Variants in KCNJ6 observed in about 807,000 individuals in gnomAD.
KCNJ6 encodes potassium inwardly rectifying channel subfamily J member 6, also known as G protein-activated inward rectifier potassium channel 2.
A neutral mutation model predicts 34.2 loss-of-function variants in KCNJ6; 9 were observed. The observed-to-expected ratio is 0.26, with a 90% confidence interval of 0.16 to 0.46. The LOEUF is 0.46. Ranked by LOEUF, KCNJ6 falls within the 20% of genes least tolerant of loss-of-function variation. The pLI is 1.00. For missense variants in KCNJ6, 236 were observed against 531.3 expected (o/e 0.44, Z 5.46); for synonymous variants, 196 against 207.1 (o/e 0.95, Z 0.46).
rs1412530003 is a variant in KCNJ6 at position 37,608,247 on chromosome 21, T to TA, written c.*16911dup. ...TGGTCTAGGTACCATCCCCCAATCT[T>TA]ACCTTGTGTGTTTCTGTTTTAAGAC... On this transcript the variant is annotated 3_prime_UTR_variant, in exon 4 of 4. Transcript: ENST00000609713. 6.6e-6 allele frequency: 1 copy of TA among 152,176 alleles called. No homozygotes were observed. The highest frequency in any genetic ancestry group is 1.9e-4 in the East Asian group (1 of 5,188). The allele number at this position is 152,176 out of a possible 1,614,324, so 9.4% of individuals were successfully genotyped here.
intron 1 of KCNJ6, among the ~76,000 whole-genome samples, chr21:37,880,668 A>G (rs551368181): frequency 6.6e-6 from 1 of 152,348 alleles, no homozygotes; most frequent in South Asian, 2.1e-4. Flanking sequence ...TTCAAAGGTT[A>G]ATAGATGGGC....
rs1568875152 is a variant in KCNJ6, at chr21:37,859,532, A to AT, written c.-27-18824_-27-18823insA. Among the ~76,000 whole-genome samples the AT allele has an allele frequency of 4.5e-3, 348 of 77,520 alleles. 5 individuals carry two copies. Among genetic ancestry groups the AT allele is most frequent in the African/African-American group, 0.014 (184 of 13,162 alleles). 50.9% of individuals were successfully genotyped at this position (77,520 alleles called of 152,430 possible). On this transcript the variant is annotated intron_variant, in intron 1 of 3. Transcript: ENST00000609713. The stretch of plus-strand genomic sequence containing the variant: ...ATATATATATATATATATATATATA[A>AT]AATACTTAAAAAGCTCTACAGATGA...
At chr21:37,825,107 G>A (rs953847974) in intron 2 of KCNJ6, among the ~76,000 whole-genome samples, 4 of 152,120 alleles carry the variant, frequency 2.6e-5, no homozygotes, top group African/African-American at 9.7e-5. Flanking sequence ...CCTGGATGAT[G>A]TGGGGTATTC....
intron 3 of KCNJ6, among the ~76,000 whole-genome samples, chr21:37,677,799 T>TCCATCCATCCATCCAC (rs1556017798): frequency 4.0e-4 from 49 of 122,052 alleles, no homozygotes; most frequent in African/African-American, 4.6e-4. Flanking sequence ...CACCCACCTA[T>TCCATCCATCCATCCAC]CCACCCACCC....
At chr21:37,914,008 G>GGGGGGT (rs760597650) in intron 1 of KCNJ6, among the ~76,000 whole-genome samples, 4 of 135,584 alleles carry the variant, frequency 3.0e-5, no homozygotes, top group East Asian at 2.4e-4. Flanking sequence ...GGCGGATCGG[G>GGGGGGT]GTGTGTGTGT....
intron 3 of KCNJ6, among the ~76,000 whole-genome samples, chr21:37,680,353 T>G (rs4452239): frequency 0.5 from 76,129 of 151,846 alleles, 19,113 homozygotes; most frequent in East Asian, 0.51. Flanking sequence ...TATCCAAGGA[T>G]CTTCACTCCT....
intron 3 of KCNJ6, among the ~76,000 whole-genome samples, chr21:37,691,066 C>G (rs1401333918): frequency 6.6e-6 from 1 of 152,202 alleles, no homozygotes; most frequent in Non-Finnish European, 1.5e-5. Flanking sequence ...CAGGCATGAG[C>G]CACCGTACCT....
In KCNJ6 at chr21:37,625,129, G is replaced by C. The variant is rs768519286; in HGVS notation, c.*30C>G. On this transcript the variant is annotated 3_prime_UTR_variant, in exon 4 of 4. Transcript: ENST00000609713. ...AGACAAGGAAAGATTGTGTTGGGGG[G>C]AGAAGAGAAGGGTTTGCCCAGCTAG... The C allele has an allele frequency of 6.9e-7, 1 of 1,443,428 alleles. No homozygotes were observed. The highest frequency in any genetic ancestry group is 2.3e-5 in the East Asian group (1 of 43,938). 89.4% of individuals were successfully genotyped at this position (1,443,428 alleles called of 1,614,324 possible). A position where few individuals can be genotyped will look rare whatever the true frequency, so the allele number is the denominator to read the frequency against.
chr21:37,673,856 C>T (rs1412517970), intron 3 of KCNJ6, among the ~76,000 whole-genome samples: 1 of 152,146 alleles, frequency 6.6e-6, no homozygotes, highest in East Asian at 1.9e-4. Flanking sequence ...CATTGGGGCT[C>T]ATCCTGGCTG....
intron 2 of KCNJ6, among the ~76,000 whole-genome samples, chr21:37,813,759 G>A (rs1161197942): frequency 1.3e-5 from 2 of 152,138 alleles, no homozygotes. Flanking sequence ...AAATCAAAAT[G>A]TATTAAAGAC....
intron 1 of KCNJ6, among the ~76,000 whole-genome samples, chr21:37,869,296 C>T (rs981887587): frequency 6.6e-6 from 1 of 152,242 alleles, no homozygotes; most frequent in Admixed American, 6.5e-5. Flanking sequence ...ACACTACTGG[C>T]TAACAGTTAT....
chr21:37,749,847 G>A (rs1017636156), intron 2 of KCNJ6, among the ~76,000 whole-genome samples: 5 of 152,174 alleles, frequency 3.3e-5, no homozygotes, highest in African/African-American at 9.7e-5. Context: ...GAGCCAAAGT[G>A]CCAGGGTTCA....
At chr21:37,828,030 C>T (rs901203100) in intron 2 of KCNJ6, among the ~76,000 whole-genome samples, 1 of 152,148 alleles carries the variant, frequency 6.6e-6, no homozygotes, top group Non-Finnish European at 1.5e-5. Context: ...TCTCTTAAGG[C>T]CACACTGACG....
chr21:37,670,387 T>C (rs2054535976), intron 3 of KCNJ6, among the ~76,000 whole-genome samples: 1 of 152,190 alleles, frequency 6.6e-6, no homozygotes, highest in Non-Finnish European at 1.5e-5. Context: ...TTGGGCTTTT[T>C]AGTTCTGCAA....
chr21:37,880,618 G>A (rs927642552), intron 1 of KCNJ6, among the ~76,000 whole-genome samples: 3 of 152,164 alleles, frequency 2.0e-5, no homozygotes, highest in East Asian at 1.9e-4. Flanking sequence ...TTAATCAGAC[G>A]GCTTTGCATT....
At chr21:37,769,611 A>G (rs2055108467) in intron 2 of KCNJ6, among the ~76,000 whole-genome samples, 1 of 151,566 alleles carries the variant, frequency 6.6e-6, no homozygotes, top group Non-Finnish European at 1.5e-5. Context: ...TAGAGAACAG[A>G]GCTGGAAAAA....
intron 2 of KCNJ6, among the ~76,000 whole-genome samples, chr21:37,826,845 C>A (rs2055401406): frequency 1.3e-5 from 2 of 152,096 alleles, no homozygotes; most frequent in Non-Finnish European, 2.9e-5. Flanking sequence ...GTGGGGAACA[C>A]ACACAAGCAG....
At chr21:37,732,545 GTC>G (rs898339590) in intron 2 of KCNJ6, among the ~76,000 whole-genome samples, 9 of 152,306 alleles carry the variant, frequency 5.9e-5, no homozygotes, top group Admixed American at 4.6e-4. Context: ...GGAAGAACTA[GTC>G]TCTGCATGAC....
Position 37,610,714 on chromosome 21 carries a change from T to C in KCNJ6, c.*14445A>G, listed in dbSNP as rs1207373695. 6.6e-6 allele frequency: 1 copy of C among 151,738 alleles called. No individual in the cohort carries two copies. Among genetic ancestry groups the C allele is most frequent in the Non-Finnish European group, 1.5e-5 (1 of 67,964 alleles). 9.4% of individuals were successfully genotyped at this position (151,738 alleles called of 1,614,324 possible). A position where few individuals can be genotyped will look rare whatever the true frequency, so the allele number is the denominator to read the frequency against. On this transcript the variant is annotated 3_prime_UTR_variant, in exon 4 of 4. Transcript: ENST00000609713. The stretch of plus-strand genomic sequence containing the variant: ...GGTAGCTGGAAAATGCCAAAATACT[T>C]GGAGATTAAACAACACACGTGTAAA...
Sources: gnomAD v4.1 joint callset for allele counts (sites outside exome capture counted in the v4.1 genomes callset) on GRCh38, gnomAD v4.1.1 for gene constraint, MANE v1.5 for transcripts, NCBI Gene and HGNC (gene_info 2026-07-23, HGNC 2026-07-21) for gene names.